COL11A1: variants seen among roughly 807,000 people sequenced by gnomAD.
The protein encoded by COL11A1 is collagen type XI alpha 1 chain.
In COL11A1, 74 loss-of-function variants were observed where a neutral mutation model predicts 265.2. The observed-to-expected ratio is 0.28, with a 90% confidence interval of 0.23 to 0.34. The LOEUF is 0.34. Among genes scored for constraint, COL11A1 ranks in the 10% least tolerant of loss-of-function variants. The pLI, the probability that COL11A1 is intolerant of heterozygous loss-of-function variation, is 1.00. For missense variants in COL11A1, 2,165 were observed against 2,263.6 expected (o/e 0.96, Z 0.88); for synonymous variants, 816 against 727.6 (o/e 1.12, Z -1.96).
intron 41 of COL11A1, among the ~76,000 whole-genome samples, chr1:102,956,497 A>G (rs2101524816): frequency 6.6e-6 from 1 of 152,260 alleles, no homozygotes; most frequent in African/African-American, 2.4e-5. Flanking sequence ...TGCATAAAAT[A>G]TTAGACAATA....
Position 102,914,816 on chromosome 1 carries a change from A to G in COL11A1, c.3817-5T>C, listed in dbSNP as rs201155391. ...TCCTCTTTCTCCTTTGGGACCCTAA[A>G]CAATGTTAAAAAAAAAAAAAGAAGA... On this transcript the variant is annotated splice_polypyrimidine_tract_variant and splice_region_variant and intron_variant, in intron 50 of 66. Transcript: ENST00000370096. 2,136 of 1,521,170 alleles carry G rather than the reference A, an allele frequency of 1.4e-3. 30 individuals carry two copies. Among genetic ancestry groups the G allele is most frequent in the Non-Finnish European group, 8.0e-5 (90 of 1,128,062 alleles). The allele number at this position is 1,521,170 out of a possible 1,614,324, so 94.2% of individuals were successfully genotyped here. A position where few individuals can be genotyped will look rare whatever the true frequency, so the allele number is the denominator to read the frequency against.
chr1:103,085,164 C>T (rs2102337141), intron 1 of COL11A1, among the ~76,000 whole-genome samples: 1 of 152,264 alleles, frequency 6.6e-6, no homozygotes, highest in African/African-American at 2.4e-5. Flanking sequence ...TGCTTTTGTA[C>T]TGCATTATTT....
At chr1:102,990,816 T>C (rs1411226976) in intron 28 of COL11A1, among the ~76,000 whole-genome samples, 1 of 152,100 alleles carries the variant, frequency 6.6e-6, no homozygotes, top group African/African-American at 2.4e-5. Context: ...GTGGATCATC[T>C]GAGGTAAGGA....
chr1:103,085,923 C>CCG lies in COL11A1; in HGVS notation c.107-2952_107-2951insCG, dbSNP rs1473268521. ...TCACAAACCATATGTTCTTATCCGT[C>CCG]CTGTGCAGATTGAGATTTAAGAACC... is the stretch of plus-strand genomic sequence containing the variant. On this transcript the variant is annotated intron_variant, in intron 1 of 66. Transcript: ENST00000370096. 5.9e-5 allele frequency among the ~76,000 whole-genome samples: 9 copies of CCG among 152,198 alleles called. No homozygotes were observed. In the East Asian group the frequency reaches 1.7e-3, roughly 29 times the overall value.
chr1:103,026,020 T>C (rs1667484270), intron 6 of COL11A1, 196 bp downstream of exon 6: 1 of 1,513,578 alleles, frequency 6.6e-7, no homozygotes, highest in Non-Finnish European at 9.2e-7. Flanking sequence ...AGAGCACAGA[T>C]GAAAGGAAGG....
At chr1:102,996,519 T>A (rs930352437) in intron 26 of COL11A1, among the ~76,000 whole-genome samples, 20 of 151,824 alleles carry the variant, frequency 1.3e-4, no homozygotes, top group African/African-American at 4.8e-4. Context: ...CTCTAGTCTA[T>A]CTAGATAAAA....
At chr1:102,991,768 G>T (rs987209043) in intron 28 of COL11A1, among the ~76,000 whole-genome samples, 3 of 151,554 alleles carry the variant, frequency 2.0e-5, no homozygotes, top group Non-Finnish European at 2.9e-5. Flanking sequence ...GTGAATATGA[G>T]ACCTAACCCT....
chr1:102,970,994 G>A (rs747103783), intron 36 of COL11A1, among the ~76,000 whole-genome samples: 4 of 141,830 alleles, frequency 2.8e-5, no homozygotes, highest in Admixed American at 7.4e-5. Flanking sequence ...GAGCGAGACC[G>A]TCTCAAAAAA....
intron 29 of COL11A1, 70 bp from the exon 30 acceptor site, chr1:102,987,810 T>C: frequency 8.7e-7 from 1 of 1,143,138 alleles, no homozygotes; most frequent in Non-Finnish European, 1.3e-6. Context: ...GGGAAAAAAT[T>C]ATGACAGTGA....
In COL11A1 at chr1:103,014,504, G is replaced by C. The variant is rs779905911; in HGVS notation, c.1572+7C>G. On this transcript the variant is annotated splice_region_variant and intron_variant, in intron 13 of 66. Coordinates refer to ENST00000370096, the MANE Select transcript of COL11A1 (RefSeq NM_001854.4). ...TCTTGTGGGAATGCAAGTTTATCCTGTCTTACCCGAGCCTGCTGAAGAATA... is the reference window on the plus strand; with the variant it reads ...TCTTGTGGGAATGCAAGTTTATCCTCTCTTACCCGAGCCTGCTGAAGAATA... 6.2e-7 allele frequency: 1 copy of C among 1,613,088 alleles called. No homozygotes were observed. Among genetic ancestry groups the C allele is most frequent in the African/African-American group, 1.3e-5 (1 of 74,996 alleles).
At chr1:103,017,383 T>C (rs549874568) in intron 11 of COL11A1, among the ~76,000 whole-genome samples, 1 of 152,114 alleles carries the variant, frequency 6.6e-6, no homozygotes, top group South Asian at 2.1e-4. Context: ...GGTTATTTTA[T>C]GAGAAGAGTT....
intron 54 of COL11A1, 70 bp downstream of exon 54, chr1:102,912,089 A>T (rs1402837184): frequency 1.6e-6 from 2 of 1,270,570 alleles, no homozygotes; most frequent in African/African-American, 1.5e-5. Context: ...TGCAGCTTAC[A>T]CACATTATAT....
At chr1:103,102,032 GATAA>G (rs1450089721) in intron 1 of COL11A1, among the ~76,000 whole-genome samples, 1 of 151,972 alleles carries the variant, frequency 6.6e-6, no homozygotes, top group Non-Finnish European at 1.5e-5. Flanking sequence ...GACTGCAACT[GATAA>G]ATAGATATTA....
chr1:102,982,037 G>GGATGTCCCAGTTTTTCATTTTT (rs1663091933), intron 31 of COL11A1, among the ~76,000 whole-genome samples: 1 of 151,714 alleles, frequency 6.6e-6, no homozygotes, highest in Non-Finnish European at 1.5e-5. Context: ...CTTTCATTTT[G>GGATGTCCCAGTTTTTCATTTTT]GATGTCCCAG....
chr1:102,881,168 C>A (rs567902861), intron 65 of COL11A1, among the ~76,000 whole-genome samples: 1 of 152,020 alleles, frequency 6.6e-6, no homozygotes, highest in Non-Finnish European at 1.5e-5. Context: ...TGATTAAACA[C>A]CTTTTAAAGA....
intron 49 of COL11A1, among the ~76,000 whole-genome samples, chr1:102,917,873 GAAT>G (rs1327037745): frequency 2.6e-5 from 4 of 151,472 alleles, no homozygotes; most frequent in Admixed American, 1.3e-4. Context: ...TTCATTTTTA[GAAT>G]AATATATTAA....
In COL11A1 at chr1:102,913,641, T is replaced by C. The variant is rs145997317; in HGVS notation, c.4028A>G (p.Gln1343Arg). The C allele has an allele frequency of 3.7e-6, 6 of 1,613,440 alleles. No individual in the cohort carries two copies. In the Admixed American group the frequency reaches 1.0e-4, roughly 27 times the overall value. Residue 1343 changes from glutamine (Q) to arginine (R), a missense_variant, in exon 53 of 67, where the codon CAA becomes CGA. Physicochemically the swap from Gln to Arg is conservative, Grantham distance 43. Transcript: ENST00000370096. Reference sequence around the variant, plus strand: ...TAAATTAGTGCATTTACTCACCGGTTGACCAGGATCTCCATCTTCACCCTT... The same window carrying C: ...TAAATTAGTGCATTTACTCACCGGTCGACCAGGATCTCCATCTTCACCCTT... ...GDKGEDGDPG[Q>R]PGPPGPSGEA...
chr1:103,045,348 T>C (rs115591384), intron 4 of COL11A1, among the ~76,000 whole-genome samples: 1 of 152,100 alleles, frequency 6.6e-6, no homozygotes, highest in African/African-American at 2.4e-5. Flanking sequence ...TAGACTTGCT[T>C]TTCTAGTTAT....
intron 5 of COL11A1, among the ~76,000 whole-genome samples, chr1:103,027,919 C>G (rs1193983083): frequency 6.6e-6 from 1 of 152,184 alleles, no homozygotes; most frequent in African/African-American, 2.4e-5. Context: ...TATTTAAACT[C>G]TCCAAATGTT....
Sources: allele counts gnomAD v4.1 joint callset (sites outside exome capture counted in the v4.1 genomes callset), GRCh38; gene constraint gnomAD v4.1.1; transcripts MANE v1.5; gene names NCBI Gene and HGNC (gene_info 2026-07-23, HGNC 2026-07-21).